The following ANK3 variants were observed in gnomAD, a reference collection of about 807,000 sequenced individuals.
ANK3 encodes ankyrin-3.
ANK3 carries 57 observed loss-of-function variants against 370.9 expected under a neutral mutation model. That is an observed-to-expected ratio of 0.15 (90% CI 0.12 to 0.19). The LOEUF is 0.19. Ranked by LOEUF, ANK3 falls within the 10% of genes least tolerant of loss-of-function variation. ANK3 has a pLI of 1.00. For synonymous variants in ANK3, 1,929 were observed against 1,946.3 expected (o/e 0.99, Z 0.23); for missense variants, 4,439 against 5,302.1 (o/e 0.84, Z 5.06).
intron 43 of ANK3, among the ~76,000 whole-genome samples, chr10:60,040,905 G>A (rs767628071): frequency 3.3e-5 from 5 of 152,090 alleles, no homozygotes; most frequent in South Asian, 2.1e-4. Flanking sequence ...ATAAATAGAC[G>A]AATTCAAGAT....
intron 8 of ANK3, among the ~76,000 whole-genome samples, chr10:60,215,762 G>C (rs993653072): frequency 5.3e-5 from 8 of 152,162 alleles, no homozygotes; most frequent in Non-Finnish European, 1.2e-4. Flanking sequence ...TTGTAGTGTA[G>C]TTTGAAGTAA....
At chr10:60,697,799 C>T (rs1289511767) in intron 1 of ANK3, among the ~76,000 whole-genome samples, 3 of 152,032 alleles carry the variant, frequency 2.0e-5, no homozygotes, top group Admixed American at 2.0e-4. Context: ...ACTATAAAAA[C>T]CCTAGAAGAA....
At chr10:60,108,139 G>GA (rs571065436) in intron 27 of ANK3, 16,544 of 322,938 alleles carry the variant, frequency 0.051, no homozygotes, top group South Asian at 0.086. Context: ...ATTGAAAATG[G>GA]AAAAAAAAAA....
chr10:60,539,483 A>C (rs2076797688), intron 2 of ANK3, among the ~76,000 whole-genome samples: 1 of 151,960 alleles, frequency 6.6e-6, no homozygotes, highest in Non-Finnish European at 1.5e-5. Flanking sequence ...TTTTGAACAA[A>C]GCATACAACA....
chr10:60,716,207 G>A lies in ANK3; in HGVS notation c.57+17056C>T, dbSNP rs569250165. ...GAAAGTTAAAAAAAATGTCGTTCTA[G>A]TATAGAATTAACTTTAAAAAATTAA... On this transcript the variant is annotated intron_variant, in intron 1 of 43. Transcript: ENST00000373827. Among the ~76,000 whole-genome samples the A allele has an allele frequency of 2.6e-5, 4 of 151,980 alleles. No individual in the cohort carries two copies. The South Asian group carries it at 6.2e-4, about 24-fold the overall frequency.
At chr10:60,490,096 T>C (rs892052344) in intron 2 of ANK3, among the ~76,000 whole-genome samples, 1 of 152,148 alleles carries the variant, frequency 6.6e-6, no homozygotes, top group Admixed American at 6.5e-5. Flanking sequence ...AGCGCATATG[T>C]AGGATGAGCC....
chr10:60,046,917 CTGCCTCAGCCTCCTGAG>C (rs1022331550), intron 42 of ANK3, among the ~76,000 whole-genome samples: 107 of 151,746 alleles, frequency 7.1e-4, no homozygotes, highest in African/African-American at 2.5e-3. Flanking sequence ...TGCCATTCTC[CTGCCTCAGCCTCCTGAG>C]TAGCTGGGAC....
chr10:60,273,763 T>C, intron 4 of ANK3, among the ~76,000 whole-genome samples: 1 of 152,120 alleles, frequency 6.6e-6, no homozygotes, highest in East Asian at 1.9e-4. Flanking sequence ...ACTGTTCTTG[T>C]GGTAGTGAAT....
rs573555376 is a variant in ANK3 at position 60,587,686 on chromosome 10, A to C, written c.96+27500T>G. On this transcript the variant is annotated intron_variant, in intron 2 of 43. Transcript: ENST00000373827. The stretch of plus-strand genomic sequence containing the variant: ...ATGTTTAAATCCAGAAATTATAATA[A>C]TACTTTAAAAAATACCCCAAAACAT... 1.8e-4 allele frequency among the ~76,000 whole-genome samples: 28 copies of C among 152,352 alleles called. No homozygotes were observed. In the East Asian group the frequency reaches 5.2e-3, roughly 28 times the overall value.
chr10:60,554,875 A>G (rs1377846240), intron 2 of ANK3, among the ~76,000 whole-genome samples: 1 of 152,226 alleles, frequency 6.6e-6, no homozygotes, highest in African/African-American at 2.4e-5. Context: ...ATGAATCAAT[A>G]TACTGTGTCA....
intron 2 of ANK3, among the ~76,000 whole-genome samples, chr10:60,517,915 G>T (rs2076260053): frequency 6.6e-6 from 1 of 152,052 alleles, no homozygotes; most frequent in Admixed American, 6.6e-5. Flanking sequence ...CCACTGGCTA[G>T]CTGTGCAAAC....
intron 1 of ANK3, among the ~76,000 whole-genome samples, chr10:60,308,495 C>T (rs897200423): frequency 1.3e-5 from 2 of 151,982 alleles, no homozygotes; most frequent in East Asian, 1.9e-4. Flanking sequence ...AGGCTGGTCT[C>T]GAACTCCTGA....
intron 11 of ANK3, among the ~76,000 whole-genome samples, chr10:60,203,326 A>C (rs1334651303): frequency 5.3e-5 from 8 of 152,246 alleles, no homozygotes; most frequent in Non-Finnish European, 8.8e-5. Context: ...GACTTATGTC[A>C]TACCTATTAA....
chr10:60,189,045 T>C (rs1192193387), intron 16 of ANK3, among the ~76,000 whole-genome samples: 1 of 152,244 alleles, frequency 6.6e-6, no homozygotes, highest in African/African-American at 2.4e-5. Flanking sequence ...CTTCTTATCA[T>C]GCATCTTCTC....
intron 23 of ANK3, among the ~76,000 whole-genome samples, chr10:60,151,178 C>G (rs912382800): frequency 6.6e-6 from 1 of 152,116 alleles, no homozygotes; most frequent in Non-Finnish European, 1.5e-5. Flanking sequence ...TTACCACATG[C>G]CAAGTTCTAG....
chr10:60,054,121 T>TAC (rs779263115), intron 42 of ANK3, among the ~76,000 whole-genome samples: 4 of 152,220 alleles, frequency 2.6e-5, no homozygotes, highest in Admixed American at 1.3e-4. Flanking sequence ...TATGCACATG[T>TAC]ACACACACAG....
intron 1 of ANK3, among the ~76,000 whole-genome samples, chr10:60,718,827 T>C (rs1564615449): frequency 6.6e-6 from 1 of 152,162 alleles, no homozygotes; most frequent in Admixed American, 6.5e-5. Flanking sequence ...AGACCAAATG[T>C]ACAACAAATG....
At chr10:60,716,684 T>C (rs1420533233) in intron 1 of ANK3, among the ~76,000 whole-genome samples, 1 of 152,136 alleles carries the variant, frequency 6.6e-6, no homozygotes, top group Non-Finnish European at 1.5e-5. Context: ...CGGCTAACTT[T>C]TTTTTACTTT....
chr10:60,058,847 T>G (rs1241772697), intron 41 of ANK3, among the ~76,000 whole-genome samples: 2 of 152,106 alleles, frequency 1.3e-5, no homozygotes, highest in Non-Finnish European at 2.9e-5. Flanking sequence ...TCCACCCTCA[T>G]GTGTTCAAGC....
Sources: gnomAD v4.1 joint callset for allele counts (sites outside exome capture counted in the v4.1 genomes callset) on GRCh38, gnomAD v4.1.1 for gene constraint, MANE v1.5 for transcripts, NCBI Gene and HGNC (gene_info 2026-07-23, HGNC 2026-07-21) for gene names.